Variants in FRMD4A observed in about 807,000 individuals in gnomAD.
FRMD4A encodes FERM domain containing 4A.
A neutral mutation model predicts 129.1 loss-of-function variants in FRMD4A; 29 were observed. The observed-to-expected ratio is 0.22, with a 90% CI of 0.17 to 0.31. FRMD4A has a LOEUF of 0.31. FRMD4A is among the 10% of genes least tolerant of loss of function. FRMD4A has a pLI of 1.00. For synonymous variants in FRMD4A, 634 were observed against 571.6 expected (o/e 1.11, Z -1.56); for missense variants, 1,272 against 1,375.8 (o/e 0.92, Z 1.19).
chr10:13,666,234 C>G lies in FRMD4A; in HGVS notation c.1466G>C (p.Ser489Thr), dbSNP rs200532415. The G allele has an allele frequency of 1.2e-6, 2 of 1,614,036 alleles. No homozygotes were observed. Among genetic ancestry groups the G allele is most frequent in the East Asian group, 4.5e-5 (2 of 44,878 alleles). Reference sequence around the variant, plus strand: ...TTTCCTTTGTTTCTTCAGTTTTTTGCTGACGTTGGGGTCACTGGCTAGGCG... The same window carrying G: ...TTTCCTTTGTTTCTTCAGTTTTTTGGTGACGTTGGGGTCACTGGCTAGGCG... ...ARRLASDPNV[S>T]KKLKKQRKTS... Residue 489 changes from serine to threonine, a missense_variant, in exon 18 of 25, where the codon AGC (serine) becomes ACC (threonine). Ser to Thr is a moderately conservative substitution (Grantham distance 58, BLOSUM62 1). Coordinates refer to ENST00000357447, the MANE Select transcript of FRMD4A (RefSeq NM_018027.5).
chr10:13,953,060 T>C, intron 2 of FRMD4A, among the ~76,000 whole-genome samples: 1 of 152,170 alleles, frequency 6.6e-6, no homozygotes. Context: ...TGGTCATAGC[T>C]ATTACCTTAC....
intron 2 of FRMD4A, among the ~76,000 whole-genome samples, chr10:14,204,913 A>C (rs1261496898): frequency 6.6e-6 from 1 of 152,184 alleles, no homozygotes; most frequent in African/African-American, 2.4e-5. Flanking sequence ...ACCAGGAAGG[A>C]GAAGAACCGA....
At chr10:14,015,158 T>C (rs558059772) in intron 2 of FRMD4A, among the ~76,000 whole-genome samples, 3 of 127,364 alleles carry the variant, frequency 2.4e-5, no homozygotes, top group South Asian at 6.3e-4. Context: ...CCTTTCTTCT[T>C]TCCTTCCTTT....
intron 2 of FRMD4A, among the ~76,000 whole-genome samples, chr10:14,217,695 C>A (rs1209505874): frequency 1.3e-5 from 2 of 152,232 alleles, no homozygotes; most frequent in African/African-American, 4.8e-5. Flanking sequence ...TGGCTCTCTG[C>A]AACCTAGGCG....
chr10:14,127,388 G>A (rs1249015024), intron 2 of FRMD4A, among the ~76,000 whole-genome samples: 1 of 152,162 alleles, frequency 6.6e-6, no homozygotes, highest in Admixed American at 6.5e-5. Context: ...GTTGGGGTTT[G>A]TTAGTGTTCT....
At chr10:14,011,400 C>A (rs564612388) in intron 2 of FRMD4A, among the ~76,000 whole-genome samples, 1 of 152,100 alleles carries the variant, frequency 6.6e-6, no homozygotes, top group Non-Finnish European at 1.5e-5. Context: ...GTTATTAGAG[C>A]CAGGGGCCAG....
chr10:13,690,079 A>C (rs74935833), intron 15 of FRMD4A, among the ~76,000 whole-genome samples: 11,981 of 152,274 alleles, frequency 0.079, 522 homozygotes, highest in South Asian at 0.12. Context: ...CAGTTGACCC[A>C]ACTGGACACT....
chr10:13,881,023 T>C (rs375051635), intron 2 of FRMD4A, among the ~76,000 whole-genome samples: 1 of 152,042 alleles, frequency 6.6e-6, no homozygotes, highest in Non-Finnish European at 1.5e-5. Flanking sequence ...GTTGAATGAT[T>C]GAATGGGTGG....
intron 2 of FRMD4A, among the ~76,000 whole-genome samples, chr10:14,181,794 A>T (rs1195340382): frequency 1.3e-5 from 2 of 152,134 alleles, no homozygotes; most frequent in East Asian, 3.8e-4. Flanking sequence ...AAGCTCAAGC[A>T]ATCCTCCTGC....
chr10:13,688,875 G>A (rs548425294), intron 15 of FRMD4A, among the ~76,000 whole-genome samples: 64 of 152,024 alleles, frequency 4.2e-4, no homozygotes, highest in Non-Finnish European at 6.5e-4. Context: ...GTAATTACAC[G>A]CCTAGCTAAT....
rs186320416 is a variant in FRMD4A at position 13,707,333 on chromosome 10, C to T, written c.760-220G>A. On this transcript the variant is annotated intron_variant, in intron 12 of 24. Coordinates refer to ENST00000357447, the MANE Select transcript of FRMD4A (RefSeq NM_018027.5). Reference sequence around the variant, plus strand: ...GGCAATGTGGGTGTGGATTTTCCTGCAGGTTCCTTAACTGGAACAAAACAA... The same window carrying T: ...GGCAATGTGGGTGTGGATTTTCCTGTAGGTTCCTTAACTGGAACAAAACAA... The T allele has an allele frequency of 7.6e-3, 9,352 of 1,228,786 alleles. 53 individuals carry two copies. Among genetic ancestry groups the T allele is most frequent in the Non-Finnish European group, 8.9e-3 (8,609 of 964,654 alleles). The allele number at this position is 1,228,786 out of a possible 1,614,324, so 76.1% of individuals were successfully genotyped here.
intron 2 of FRMD4A, among the ~76,000 whole-genome samples, chr10:14,265,806 C>T (rs1844957305): frequency 6.6e-6 from 1 of 152,178 alleles, no homozygotes; most frequent in South Asian, 2.1e-4. Context: ...AATGTGACTG[C>T]CCCTGTATGT....
intron 2 of FRMD4A, among the ~76,000 whole-genome samples, chr10:14,127,501 C>G (rs1335026516): frequency 2.0e-5 from 3 of 152,154 alleles, no homozygotes; most frequent in Non-Finnish European, 4.4e-5. Flanking sequence ...TTTAAGGGAG[C>G]ATTGAATAAG....
At chr10:14,136,507 T>C (rs1419079257) in intron 2 of FRMD4A, among the ~76,000 whole-genome samples, 2 of 152,134 alleles carry the variant, frequency 1.3e-5, no homozygotes, top group African/African-American at 4.8e-5. Flanking sequence ...AATGCAGATT[T>C]ACTGAGCCAG....
chr10:13,691,005 A>T (rs1449951701), intron 15 of FRMD4A, among the ~76,000 whole-genome samples: 1 of 152,118 alleles, frequency 6.6e-6, no homozygotes, highest in Non-Finnish European at 1.5e-5. Flanking sequence ...TGTGTGTGAG[A>T]GAGACACAGT....
At chr10:14,156,254 CA>C (rs1299214539) in intron 2 of FRMD4A, among the ~76,000 whole-genome samples, 1 of 152,048 alleles carries the variant, frequency 6.6e-6, no homozygotes, top group African/African-American at 2.4e-5. Flanking sequence ...TGAATTACAA[CA>C]ATACACACCC....
chr10:14,308,156 T>C (rs1226696289), intron 2 of FRMD4A, among the ~76,000 whole-genome samples: 3 of 152,236 alleles, frequency 2.0e-5, no homozygotes, highest in Non-Finnish European at 4.4e-5. Context: ...TAGAGTCAAA[T>C]GAAGCCAGTT....
intron 2 of FRMD4A, among the ~76,000 whole-genome samples, chr10:13,927,425 G>A (rs1455058160): frequency 3.9e-5 from 6 of 152,188 alleles, no homozygotes; most frequent in African/African-American, 1.2e-4. Context: ...CTTGAAGATT[G>A]ATTTTTACAG....
chr10:14,212,786 T>C (rs1399835966), intron 2 of FRMD4A, among the ~76,000 whole-genome samples: 1 of 152,218 alleles, frequency 6.6e-6, no homozygotes, highest in Admixed American at 6.5e-5. Flanking sequence ...GGTTTACTTA[T>C]GAATGCATTT....
Sources: allele counts gnomAD v4.1 joint callset (sites outside exome capture counted in the v4.1 genomes callset), GRCh38; gene constraint gnomAD v4.1.1; transcripts MANE v1.5; gene names NCBI Gene and HGNC (gene_info 2026-07-23, HGNC 2026-07-21).